The following ARHGEF28 variants were observed in gnomAD, a reference collection of about 807,000 sequenced individuals.
ARHGEF28 encodes the protein 190 kDa guanine nucleotide exchange factor.
In ARHGEF28, 152 loss-of-function variants were observed where a neutral mutation model predicts 206.6. The ratio of observed to expected loss-of-function variants is 0.74; its 90% CI spans 0.64 to 0.84. The LOEUF is 0.84. Among genes scored for constraint, ARHGEF28 ranks in the 40% least tolerant of loss-of-function variants. The pLI, the probability that ARHGEF28 is intolerant of heterozygous loss-of-function variation, is 0.00. For synonymous variants in ARHGEF28, 763 were observed against 776.4 expected (o/e 0.98, Z 0.29); for missense variants, 2,028 against 2,073.2 (o/e 0.98, Z 0.42).
chr5:73,762,469 A>C (rs976760022), intron 4 of ARHGEF28, among the ~76,000 whole-genome samples: 163 of 151,508 alleles, frequency 1.1e-3, no homozygotes, highest in Admixed American at 2.2e-3. Flanking sequence ...AAAAAAAAAA[A>C]AAAAAACAAA....
chr5:73,647,656 C>T lies in ARHGEF28; in HGVS notation c.-12+21334C>T, dbSNP rs534297641. 2.0e-5 allele frequency among the ~76,000 whole-genome samples: 3 copies of T among 152,328 alleles called. No homozygotes were observed. In the East Asian group the frequency reaches 5.8e-4, roughly 29 times the overall value. ...AGCCACATTTCAAGAGCTCAGTAGC[C>T]ACATGTGGCAAGTGGCTACCATATT... On this transcript the variant is annotated intron_variant, in intron 1 of 35. Coordinates refer to ENST00000513042, the MANE Select transcript of ARHGEF28 (RefSeq NM_001177693.2).
At chr5:73,820,306 G>T (rs1361153871) in intron 9 of ARHGEF28, among the ~76,000 whole-genome samples, 1 of 152,100 alleles carries the variant, frequency 6.6e-6, no homozygotes, top group Non-Finnish European at 1.5e-5. Flanking sequence ...AATATTCAGT[G>T]TCTCAAATTT....
At chr5:73,633,720 G>T (rs1306138669) in intron 1 of ARHGEF28, among the ~76,000 whole-genome samples, 5 of 151,804 alleles carry the variant, frequency 3.3e-5, no homozygotes, top group African/African-American at 9.7e-5. Flanking sequence ...GGGATTAGGG[G>T]TGCATGCCAC....
chr5:73,672,655 T>C (rs934563194), intron 1 of ARHGEF28, among the ~76,000 whole-genome samples: 2 of 152,234 alleles, frequency 1.3e-5, no homozygotes, highest in Non-Finnish European at 2.9e-5. Flanking sequence ...GTAGGTCGTA[T>C]CTTGCCCATG....
chr5:73,722,689 C>A (rs1750033570), intron 2 of ARHGEF28, among the ~76,000 whole-genome samples: 1 of 152,068 alleles, frequency 6.6e-6, no homozygotes, highest in Non-Finnish European at 1.5e-5. Flanking sequence ...CCAGAAAATC[C>A]CTGATGAGAA....
intron 11 of ARHGEF28, among the ~76,000 whole-genome samples, chr5:73,843,672 ATATTT>A (rs1317954449): frequency 6.6e-6 from 1 of 152,232 alleles, no homozygotes; most frequent in East Asian, 1.9e-4. Context: ...GTTTAAAAGA[ATATTT>A]TGGTGAAACT....
At chr5:73,903,889 C>T (rs563246354) in intron 31 of ARHGEF28, 1 of 312,282 alleles carries the variant, frequency 3.2e-6, no homozygotes, top group African/African-American at 2.1e-5. Context: ...GCACAGAGAA[C>T]TCAATTCACA....
At chr5:73,788,919 GGT>G (rs151284585) in intron 7 of ARHGEF28, among the ~76,000 whole-genome samples, 6,395 of 152,112 alleles carry the variant, frequency 0.042, 464 homozygotes, top group African/African-American at 0.14. Context: ...AGATTTCTAT[GGT>G]GGGCAGGGGT....
chr5:73,694,590 TTTCCATA>T lies in ARHGEF28; in HGVS notation c.33+9712_33+9718del, dbSNP rs561536658. 1.1e-4 allele frequency among the ~76,000 whole-genome samples: 17 copies of T among 152,356 alleles called. No individual in the cohort carries two copies. The South Asian group carries it at 3.5e-3, about 32-fold the overall frequency. ...AACGTGATCCAGGTAAAATGTTTTA[TTTCCATA>T]TTCCAGAAAGGCAGCCCTTATAGAA... On this transcript the variant is annotated intron_variant, in intron 2 of 35. Transcript: ENST00000513042.
chr5:73,901,262 C>A lies in ARHGEF28; in HGVS notation c.4052C>A (p.Ala1351Asp). The change falls in exon 31 of 36, where the codon GCC becomes GAC. Residue 1351 changes from alanine (A) to aspartate (D), a missense_variant. Physicochemically the swap from Ala to Asp is moderately radical, Grantham distance 126. Transcript: ENST00000513042. ...PGIQGVVTDL[A>D]VSDAGEKVEC... Reference sequence around the variant, plus strand: ...ATCCAGGGTGTGGTAACCGACTTGGCCGTCTCTGATGCAGGGGAGAAGGTA... The same window carrying A: ...ATCCAGGGTGTGGTAACCGACTTGGACGTCTCTGATGCAGGGGAGAAGGTA... 6.2e-7 allele frequency: 1 copy of A among 1,612,748 alleles called. No homozygotes were observed. The highest frequency in any genetic ancestry group is 1.1e-5 in the South Asian group (1 of 90,824).
At position 73,941,441 on chromosome 5, in the gene ARHGEF28, A is replaced by C. The variant is rs1290075566; in HGVS notation, c.*428A>C. 1 of 153,452 alleles carries C rather than the reference A, an allele frequency of 6.5e-6. No homozygotes were observed. Among genetic ancestry groups the C allele is most frequent in the Non-Finnish European group, 1.5e-5 (1 of 68,964 alleles). 9.5% of individuals were successfully genotyped at this position (153,452 alleles called of 1,614,324 possible). On this transcript the variant is annotated 3_prime_UTR_variant, in exon 36 of 36. Transcript: ENST00000513042. ...CAGTTGCCTCAGTGCCCACATAGGCAGAGGAGGATGTGGGAAAGGGTTTTT... is the reference window on the plus strand; with the variant it reads ...CAGTTGCCTCAGTGCCCACATAGGCCGAGGAGGATGTGGGAAAGGGTTTTT...
chr5:73,750,197 C>T (rs1479986388), intron 3 of ARHGEF28, among the ~76,000 whole-genome samples: 1 of 152,168 alleles, frequency 6.6e-6, no homozygotes, highest in Non-Finnish European at 1.5e-5. Flanking sequence ...GGAGTCTTAA[C>T]TTAGACCAGG....
At position 73,864,860 on chromosome 5, in the gene ARHGEF28, T is replaced by C; in HGVS notation, c.2091T>C (p.Pro697=). The change falls in exon 17 of 36, where the codon CCT becomes CCC. Residue 697 remains proline (P), a synonymous_variant. Coordinates refer to ENST00000513042, the MANE Select transcript of ARHGEF28 (RefSeq NM_001177693.2). ...NVHKGCKDAA[P]ACTKKFQEKY... is the part of the protein sequence containing the mutation. ...ACAAAGGTTGTAAAGATGCTGCGCCTGCATGCACCAAGGTAATTGCTCAGT... is the reference window on the plus strand; with the variant it reads ...ACAAAGGTTGTAAAGATGCTGCGCCCGCATGCACCAAGGTAATTGCTCAGT... The C allele has an allele frequency of 6.2e-7, 1 of 1,613,380 alleles. No homozygotes were observed. The highest frequency in any genetic ancestry group is 8.5e-7 in the Non-Finnish European group (1 of 1,179,534).
chr5:73,925,892 A>C (rs1402073963), intron 35 of ARHGEF28, among the ~76,000 whole-genome samples: 1 of 152,216 alleles, frequency 6.6e-6, no homozygotes, highest in Admixed American at 6.5e-5. Context: ...GGCCAGTCTG[A>C]ATAAAGCTGC....
At chr5:73,693,248 A>G (rs941402317) in intron 2 of ARHGEF28, among the ~76,000 whole-genome samples, 2 of 152,052 alleles carry the variant, frequency 1.3e-5, no homozygotes, top group Non-Finnish European at 2.9e-5. Context: ...TTCCTCATTG[A>G]CCAAGTACTC....
At chr5:73,676,973 G>A (rs919189861) in intron 1 of ARHGEF28, among the ~76,000 whole-genome samples, 3 of 152,114 alleles carry the variant, frequency 2.0e-5, no homozygotes, top group Non-Finnish European at 4.4e-5. Context: ...AAAATGCCAT[G>A]CTTTAAAAAA....
intron 14 of ARHGEF28, among the ~76,000 whole-genome samples, chr5:73,854,589 G>GGGAGGC (rs1758899180): frequency 6.6e-6 from 1 of 152,086 alleles, no homozygotes; most frequent in Non-Finnish European, 1.5e-5. Flanking sequence ...CCAGCATTTT[G>GGGAGGC]GGAGGCAGAG....
chr5:73,672,821 A>ATC (rs1431333071), intron 1 of ARHGEF28, among the ~76,000 whole-genome samples: 1 of 152,228 alleles, frequency 6.6e-6, no homozygotes, highest in Non-Finnish European at 1.5e-5. Context: ...GCGAAATACA[A>ATC]GTGAGTGTGA....
intron 2 of ARHGEF28, among the ~76,000 whole-genome samples, chr5:73,699,696 C>T (rs980128550): frequency 1.6e-4 from 24 of 152,226 alleles, no homozygotes; most frequent in African/African-American, 2.9e-4. Flanking sequence ...ATATAACTAT[C>T]GTTTAGATTA....
Sources: allele counts gnomAD v4.1 joint callset (sites outside exome capture counted in the v4.1 genomes callset), GRCh38; gene constraint gnomAD v4.1.1; transcripts MANE v1.5; gene names NCBI Gene and HGNC (gene_info 2026-07-23, HGNC 2026-07-21).